The following PAXIP1 variants were observed in gnomAD, a reference collection of about 807,000 sequenced individuals.
The protein encoded by PAXIP1 is PAX interacting protein 1.
PAXIP1 carries 19 observed loss-of-function variants against 140.6 expected under a neutral mutation model. The ratio of observed to expected loss-of-function variants is 0.14; its 90% CI spans 0.09 to 0.20. The LOEUF (loss-of-function observed/expected upper bound fraction) is 0.20, where lower values mean the gene tolerates loss of function less well. Among genes scored for constraint, PAXIP1 ranks in the 10% least tolerant of loss-of-function variants. The pLI, the probability that PAXIP1 is intolerant of heterozygous loss-of-function variation, is 1.00. For missense variants in PAXIP1, 920 were observed against 1,208.6 expected (o/e 0.76, Z 3.54); for synonymous variants, 442 against 444.6 (o/e 0.99, Z 0.07).
chr7:154,950,720 A>T (rs1470026550), intron 16 of PAXIP1: 1 of 152,274 alleles, frequency 6.6e-6, no homozygotes, highest in Non-Finnish European at 1.5e-5. Context: ...GAAAATTTAG[A>T]ATCAGCTAAG....
intron 12 of PAXIP1, 82 bp downstream of exon 12, chr7:154,960,811 A>G: frequency 7.1e-6 from 7 of 992,600 alleles, no homozygotes; most frequent in Non-Finnish European, 8.6e-6. Context: ...AGGCCTGGTA[A>G]TTAGTATGAA....
At chr7:154,979,017 A>C (rs1809725000) in intron 5 of PAXIP1, among the ~76,000 whole-genome samples, 1 of 152,208 alleles carries the variant, frequency 6.6e-6, no homozygotes, top group Non-Finnish European at 1.5e-5. Context: ...ATTTCACTCA[A>C]GTTTTCTCTC....
intron 12 of PAXIP1, among the ~76,000 whole-genome samples, chr7:154,960,570 G>C (rs1470145793): frequency 6.6e-6 from 1 of 152,170 alleles, no homozygotes; most frequent in East Asian, 1.9e-4. Context: ...CCAGCTACTT[G>C]GGAGGGTGAG....
chr7:154,991,037 A>T lies in PAXIP1; in HGVS notation c.293T>A (p.Ile98Asn), dbSNP rs1372450900. The T allele has an allele frequency of 6.5e-7, 1 of 1,549,408 alleles. No individual in the cohort carries two copies. The highest frequency in any genetic ancestry group is 8.7e-7 in the Non-Finnish European group (1 of 1,144,588). ...AAGGCAGGCAGTGATTCCAAAAAAAATCTGACATGATTCTGGAGAAAAACC... is the reference window on the plus strand; with the variant it reads ...AAGGCAGGCAGTGATTCCAAAAAAATTCTGACATGATTCTGGAGAAAAACC... ...VNGFSPESCQ[I>N]FFGITACLSQ... Residue 98 changes from isoleucine to asparagine, a missense_variant, in exon 4 of 21, where the codon ATT (isoleucine) becomes AAT (asparagine). Transcript: ENST00000404141.
intron 2 of PAXIP1, 38 bp from the exon 3 acceptor site, chr7:154,993,807 T>C: frequency 6.8e-7 from 1 of 1,474,626 alleles, no homozygotes; most frequent in East Asian, 2.4e-5. Flanking sequence ...GTATTCTCAA[T>C]TTACAAGTGG....
At chr7:154,984,780 A>G (rs1809993791) in intron 4 of PAXIP1, among the ~76,000 whole-genome samples, 1 of 152,200 alleles carries the variant, frequency 6.6e-6, no homozygotes, top group Non-Finnish European at 1.5e-5. Flanking sequence ...TCTAATCTTT[A>G]TTAAAAATGA....
intron 4 of PAXIP1, among the ~76,000 whole-genome samples, chr7:154,985,346 A>T (rs918852258): frequency 1.7e-4 from 26 of 152,266 alleles, no homozygotes; most frequent in African/African-American, 6.0e-4. Flanking sequence ...CAGTGCTGCA[A>T]GGCTAAAATC....
chr7:154,979,796 G>A (rs1233206408), intron 5 of PAXIP1, among the ~76,000 whole-genome samples: 1 of 152,108 alleles, frequency 6.6e-6, no homozygotes, highest in African/African-American at 2.4e-5. Context: ...AAAGAACCAG[G>A]GAAGAGGCGA....
intron 1 of PAXIP1, chr7:155,000,807 T>G (rs1810853794): frequency 6.6e-6 from 1 of 152,256 alleles, no homozygotes; most frequent in African/African-American, 2.4e-5. Context: ...ATGAATGCCT[T>G]CATTCCTCAG....
At position 154,968,815 on chromosome 7, in the gene PAXIP1, C is replaced by T. The variant is rs761162008; in HGVS notation, c.1386G>A (p.Gln462=). ...GAAACTGTAGCTGTTGCTGTGAAAACTGATGCGGATGGGCTTGCTGCTGCT... is the reference window on the plus strand; with the variant it reads ...GAAACTGTAGCTGTTGCTGTGAAAATTGATGCGGATGGGCTTGCTGCTGCT... The part of the protein sequence containing the change: ...QQQQQQAHPH[Q]FSQQQLQFPQ... The change falls in exon 7 of 21, where the codon CAG becomes CAA. Residue 462 remains glutamine (Q), a synonymous_variant. Coordinates refer to ENST00000404141, the MANE Select transcript of PAXIP1 (RefSeq NM_007349.4). The T allele has an allele frequency of 4.1e-6, 3 of 732,286 alleles. No homozygotes were observed. Among genetic ancestry groups the T allele is most frequent in the African/African-American group, 1.7e-5 (1 of 57,462 alleles). The allele number at this position is 732,286 out of a possible 1,614,324, so 45.4% of individuals were successfully genotyped here.
chr7:154,994,689 G>C (rs967845260), intron 2 of PAXIP1, among the ~76,000 whole-genome samples: 3 of 151,992 alleles, frequency 2.0e-5, no homozygotes, highest in Non-Finnish European at 4.4e-5. Context: ...TCATTTTTTA[G>C]ATGACATCTA....
In PAXIP1 at chr7:154,976,054, T is replaced by G. The variant is rs1269326230; in HGVS notation, c.716A>C (p.Asn239Thr). Residue 239 changes from asparagine (N) to threonine (T), a missense_variant, in exon 6 of 21, where the codon AAC becomes ACC. Physicochemically the swap from Asn to Thr is moderately conservative, Grantham distance 65 (BLOSUM62 0). Coordinates refer to ENST00000404141, the MANE Select transcript of PAXIP1 (RefSeq NM_007349.4). Reference sequence around the variant, plus strand: ...TAATTCCCCTTTAGATTTTTCAGTGTTGGATTTAGGTGAAAACTGCTGGTC... The same window carrying G: ...TAATTCCCCTTTAGATTTTTCAGTGGTGGATTTAGGTGAAAACTGCTGGTC... ...SGDQQFSPKS[N>T]TEKSKGELMF... 2 of 1,598,678 alleles carry G rather than the reference T, an allele frequency of 1.3e-6. No individual in the cohort carries two copies. The highest frequency in any genetic ancestry group is 1.7e-6 in the Non-Finnish European group (2 of 1,171,522).
chr7:154,984,589 TA>T (rs1275329382), intron 4 of PAXIP1, among the ~76,000 whole-genome samples: 2 of 152,196 alleles, frequency 1.3e-5, no homozygotes, highest in Non-Finnish European at 2.9e-5. Flanking sequence ...GTTAGCTTTC[TA>T]AAAAACACTT....
chr7:154,953,615 A>G (rs1398252570), intron 16 of PAXIP1, among the ~76,000 whole-genome samples: 1 of 152,174 alleles, frequency 6.6e-6, no homozygotes, highest in Non-Finnish European at 1.5e-5. Flanking sequence ...CACCACTCCT[A>G]TGCAGGACAG....
intron 10 of PAXIP1, among the ~76,000 whole-genome samples, 200 bp from the exon 11 acceptor site, chr7:154,961,848 G>A (rs928294756): frequency 1.1e-4 from 16 of 152,168 alleles, no homozygotes; most frequent in South Asian, 6.2e-4. Flanking sequence ...TAGCCCTCAC[G>A]GGGAGGAAGA....
intron 13 of PAXIP1, among the ~76,000 whole-genome samples, chr7:154,958,738 C>A (rs562608628): frequency 6.6e-6 from 1 of 152,194 alleles, no homozygotes; most frequent in African/African-American, 2.4e-5. Context: ...TGATACAAAG[C>A]CACAAGAGAA....
chr7:154,979,263 A>G (rs1809734460), intron 5 of PAXIP1, among the ~76,000 whole-genome samples: 1 of 152,348 alleles, frequency 6.6e-6, no homozygotes, highest in African/African-American at 2.4e-5. Context: ...GTTGGTTTTA[A>G]GTTATAAATT....
chr7:154,948,466 G>A (rs1808104141), intron 16 of PAXIP1: 2 of 156,938 alleles, frequency 1.3e-5, no homozygotes, highest in Admixed American at 1.3e-4. Flanking sequence ...AGGATCGCTT[G>A]AGTCTGGGAA....
At chr7:154,972,889 T>C (rs1363669644) in intron 6 of PAXIP1, among the ~76,000 whole-genome samples, 1 of 152,208 alleles carries the variant, frequency 6.6e-6, no homozygotes, top group Non-Finnish European at 1.5e-5. Flanking sequence ...TAGCCTGTCA[T>C]TCTTTATGGC....
Sources: gnomAD v4.1 joint callset for allele counts (sites outside exome capture counted in the v4.1 genomes callset) on GRCh38, gnomAD v4.1.1 for gene constraint, MANE v1.5 for transcripts, NCBI Gene and HGNC (gene_info 2026-07-23, HGNC 2026-07-21) for gene names.